The following CTNNBL1 variants were observed in gnomAD, a reference collection of about 807,000 sequenced individuals.
CTNNBL1 encodes the protein beta-catenin-like protein 1.
Under a neutral mutation model 72.7 loss-of-function variants are expected in CTNNBL1, and 31 were observed. The ratio of observed to expected loss-of-function variants is 0.43; its 90% confidence interval spans 0.32 to 0.58. CTNNBL1 has a LOEUF of 0.58. CTNNBL1 is among the 20% of genes least tolerant of loss of function. The pLI is 0.08. For missense variants in CTNNBL1, 534 were observed against 725.1 expected (o/e 0.74, Z 3.03); for synonymous variants, 240 against 267.3 (o/e 0.90, Z 1.00).
Position 37,860,268 on chromosome 20 carries a change from T to G in CTNNBL1, c.1531-4T>G. ...CTTTCTCTACCCATTTTTTCCCTTATTAGATTCGCCAGAGGGTTCACCAGA... is the reference window on the plus strand; with the variant it reads ...CTTTCTCTACCCATTTTTTCCCTTAGTAGATTCGCCAGAGGGTTCACCAGA... On this transcript the variant is annotated splice_region_variant and splice_polypyrimidine_tract_variant and intron_variant, in intron 14 of 15. Transcript: ENST00000361383. 6.2e-7 allele frequency: 1 copy of G among 1,613,690 alleles called. No individual in the cohort carries two copies. The highest frequency in any genetic ancestry group is 8.5e-7 in the Non-Finnish European group (1 of 1,179,580).
At chr20:37,701,494 T>G (rs1328597198) in intron 1 of CTNNBL1, among the ~76,000 whole-genome samples, 3 of 152,176 alleles carry the variant, frequency 2.0e-5, no homozygotes, top group African/African-American at 7.2e-5. Context: ...ACTAACTCTA[T>G]GAATAAAAGT....
chr20:37,699,161 G>A (rs981170890), intron 1 of CTNNBL1, among the ~76,000 whole-genome samples: 3 of 152,164 alleles, frequency 2.0e-5, no homozygotes, highest in African/African-American at 7.2e-5. Context: ...AACCCTATGA[G>A]GAAGGTACTG....
chr20:37,715,765 A>C (rs1469387695), intron 1 of CTNNBL1, among the ~76,000 whole-genome samples: 3 of 152,208 alleles, frequency 2.0e-5, no homozygotes, highest in Non-Finnish European at 4.4e-5. Context: ...GTTATAAACA[A>C]GATTAAGAGG....
intron 10 of CTNNBL1, 30 bp downstream of exon 10, chr20:37,779,365 C>G (rs1365945543): frequency 1.9e-6 from 3 of 1,606,186 alleles, no homozygotes; most frequent in Non-Finnish European, 2.6e-6. Flanking sequence ...GTTCTCCCAC[C>G]TTTTTTGCCT....
intron 6 of CTNNBL1, 57 bp downstream of exon 6, chr20:37,765,347 T>C (rs756139187): frequency 3.7e-4 from 416 of 1,126,538 alleles, no homozygotes; most frequent in Non-Finnish European, 5.2e-4. Flanking sequence ...TTTGGGACTC[T>C]GTGCTCATTT....
intron 11 of CTNNBL1, among the ~76,000 whole-genome samples, chr20:37,839,199 G>A (rs1042947244): frequency 3.9e-5 from 6 of 152,216 alleles, no homozygotes; most frequent in South Asian, 2.1e-4. Flanking sequence ...GCTATAATCA[G>A]AGAAGTAAGA....
At chr20:37,806,449 G>A (rs761118910) in intron 11 of CTNNBL1, among the ~76,000 whole-genome samples, 5 of 152,218 alleles carry the variant, frequency 3.3e-5, no homozygotes, top group Admixed American at 6.5e-5. Flanking sequence ...AGTCTGTGGC[G>A]TGTACTAAAG....
At chr20:37,779,517 T>TA (rs1406489529) in intron 10 of CTNNBL1, among the ~76,000 whole-genome samples, 182 bp downstream of exon 10, 1 of 152,092 alleles carries the variant, frequency 6.6e-6, no homozygotes, top group Non-Finnish European at 1.5e-5. Flanking sequence ...TTCCTAAAGT[T>TA]AGAGTAGATG....
chr20:37,828,632 G>T (rs945194893), intron 11 of CTNNBL1, among the ~76,000 whole-genome samples: 1 of 152,228 alleles, frequency 6.6e-6, no homozygotes, highest in Non-Finnish European at 1.5e-5. Context: ...GCACATAGTA[G>T]GTTTGCAATC....
chr20:37,806,027 T>G (rs536109394), intron 11 of CTNNBL1, among the ~76,000 whole-genome samples: 1 of 152,356 alleles, frequency 6.6e-6, no homozygotes, highest in Admixed American at 6.5e-5. Flanking sequence ...AGATTGATGG[T>G]TGTCAGTCAG....
rs1325966581 is a variant in CTNNBL1 at position 37,777,647 on chromosome 20, C to G, written c.824-7C>G. The G allele has an allele frequency of 6.2e-7, 1 of 1,613,328 alleles. No homozygotes were observed. The highest frequency in any genetic ancestry group is 1.3e-5 in the African/African-American group (1 of 74,962). ...TTTTTTTCTTCCTCTATTTTTTTCC[C>G]CTTTAGAAAACAGGGAATTGCTTGG... On this transcript the variant is annotated splice_region_variant and splice_polypyrimidine_tract_variant and intron_variant, in intron 8 of 15. Transcript: ENST00000361383.
intron 15 of CTNNBL1, among the ~76,000 whole-genome samples, chr20:37,869,727 T>A (rs2072567068): frequency 6.6e-6 from 1 of 152,196 alleles, no homozygotes; most frequent in South Asian, 2.1e-4. Flanking sequence ...ACTTCCCCAG[T>A]GCCATTACTG....
chr20:37,706,124 G>A (rs565371408), intron 1 of CTNNBL1, among the ~76,000 whole-genome samples: 1 of 152,322 alleles, frequency 6.6e-6, no homozygotes, highest in South Asian at 2.1e-4. Flanking sequence ...CATCATCTGA[G>A]CCTTCAGCAA....
At chr20:37,794,202 C>T (rs1023501484) in intron 10 of CTNNBL1, among the ~76,000 whole-genome samples, 26 of 125,376 alleles carry the variant, frequency 2.1e-4, no homozygotes, top group African/African-American at 7.5e-4. Context: ...GATTTCCATC[C>T]GGGGTCAGTT....
intron 15 of CTNNBL1, among the ~76,000 whole-genome samples, chr20:37,871,561 G>T (rs536886995): frequency 6.6e-6 from 1 of 152,136 alleles, no homozygotes; most frequent in Non-Finnish European, 1.5e-5. Context: ...TAATTAGATG[G>T]TAAGAACCTA....
At chr20:37,850,138 G>A (rs1331620091) in intron 13 of CTNNBL1, among the ~76,000 whole-genome samples, 1 of 152,010 alleles carries the variant, frequency 6.6e-6, no homozygotes, top group African/African-American at 2.4e-5. Context: ...CGCTATCACA[G>A]AAGTACTGAT....
Position 37,788,041 on chromosome 20 carries a change from T to A in CTNNBL1, c.1031+8706T>A, listed in dbSNP as rs115241298. Among the ~76,000 whole-genome samples the A allele has an allele frequency of 1.6e-3, 244 of 152,268 alleles. 1 individual carries two copies. Among genetic ancestry groups the A allele is most frequent in the African/African-American group, 5.5e-3 (227 of 41,568 alleles). On this transcript the variant is annotated intron_variant, in intron 10 of 15. Coordinates refer to ENST00000361383, the MANE Select transcript of CTNNBL1 (RefSeq NM_030877.5). ...TTAGATCCCTTGACACATTTTGTTA[T>A]TATTATTATTTTGATGACTCACTTT...
At chr20:37,830,726 A>G (rs1433176488) in intron 11 of CTNNBL1, among the ~76,000 whole-genome samples, 1 of 152,182 alleles carries the variant, frequency 6.6e-6, no homozygotes, top group East Asian at 1.9e-4. Context: ...CCTACCAAAC[A>G]TCATAGCTCA....
At chr20:37,713,689 G>T (rs1243250227) in intron 1 of CTNNBL1, among the ~76,000 whole-genome samples, 1 of 152,206 alleles carries the variant, frequency 6.6e-6, no homozygotes, top group Non-Finnish European at 1.5e-5. Context: ...GTGTTTATGG[G>T]CAGGGTGTCA....
Sources: gnomAD v4.1 joint callset for allele counts (sites outside exome capture counted in the v4.1 genomes callset) on GRCh38, gnomAD v4.1.1 for gene constraint, MANE v1.5 for transcripts, NCBI Gene and HGNC (gene_info 2026-07-23, HGNC 2026-07-21) for gene names.